The following PHLDB2 variants were observed in gnomAD, a reference collection of about 807,000 sequenced individuals.
The protein encoded by PHLDB2 is pleckstrin homology like domain family B member 2, also known as pleckstrin homology-like domain family B member 2.
PHLDB2 carries 71 observed loss-of-function variants against 123.6 expected under a neutral mutation model. The observed-to-expected ratio is 0.57, with a 90% CI of 0.47 to 0.70. PHLDB2 has a LOEUF of 0.70. Ranked by LOEUF, PHLDB2 falls within the 30% of genes least tolerant of loss-of-function variation. The pLI is 0.00. For synonymous variants in PHLDB2, 547 were observed against 541.6 expected (o/e 1.01, Z -0.14); for missense variants, 1,446 against 1,519.5 (o/e 0.95, Z 0.80).
intron 1 of PHLDB2, chr3:111,778,582 C>T (rs971838356): frequency 6.6e-6 from 1 of 152,024 alleles, no homozygotes; most frequent in East Asian, 1.9e-4. Flanking sequence ...CCCTCAGAGC[C>T]GTAACTGCCC....
rs576936867 is a variant in PHLDB2 at position 111,931,583 on chromosome 3, C to T, written c.2002-686C>T. Among the ~76,000 whole-genome samples, 141 of 152,226 alleles carry T rather than the reference C, an allele frequency of 9.3e-4. 1 individual carries two copies. The highest frequency in any genetic ancestry group is 1.7e-3 in the Non-Finnish European group (113 of 68,008). On this transcript the variant is annotated intron_variant, in intron 5 of 17. Transcript: ENST00000431670. ...GGAAAGTCTGTATTTCCGCAGTCCC[C>T]GTCACATTTTTGGTGTGTCTGAGCT...
chr3:111,885,619 G>A (rs889165572), intron 2 of PHLDB2: 1 of 736,234 alleles, frequency 1.4e-6, no homozygotes, highest in Non-Finnish European at 2.4e-6. Context: ...AAGGCCTCCA[G>A]GAATTAATGT....
chr3:111,792,004 T>C (rs756965457), intron 1 of PHLDB2, among the ~76,000 whole-genome samples: 11 of 152,228 alleles, frequency 7.2e-5, no homozygotes, highest in Non-Finnish European at 1.0e-4. Context: ...CAGCCTCTGG[T>C]AACCATCATT....
chr3:111,827,446 T>C (rs1041784551), intron 1 of PHLDB2, among the ~76,000 whole-genome samples: 2 of 152,064 alleles, frequency 1.3e-5, no homozygotes, highest in Non-Finnish European at 2.9e-5. Flanking sequence ...GAGGCCCAGG[T>C]GGGCGGATCA....
At chr3:111,751,165 TGG>T (rs925332404) in intron 1 of PHLDB2, among the ~76,000 whole-genome samples, 3 of 120,936 alleles carry the variant, frequency 2.5e-5, no homozygotes, top group African/African-American at 6.1e-5. Context: ...AAGGAGACAA[TGG>T]GGTGTGTGTG....
rs34081887 is a variant in PHLDB2, at chr3:111,954,014, C to T, written c.2857C>T (p.Arg953Trp). ...AGCCATGGCCAAAGACTCAGAATCTCGGAGGATGCTCAGAGGTACGTACCT... is the reference window on the plus strand; with the variant it reads ...AGCCATGGCCAAAGACTCAGAATCTTGGAGGATGCTCAGAGGTACGTACCT... ...LAAMAKDSES[R>W]RMLRGYNHQQ... The change falls in exon 12 of 18, where the codon CGG becomes TGG. Residue 953 changes from arginine (R) to tryptophan (W), a missense_variant. Coordinates refer to ENST00000431670, the MANE Select transcript of PHLDB2 (RefSeq NM_001134438.2). 6,146 of 1,613,324 alleles carry T rather than the reference C, an allele frequency of 3.8e-3. 215 individuals carry two copies. The African/African-American group carries it at 0.071, about 19-fold the overall frequency.
intron 1 of PHLDB2, among the ~76,000 whole-genome samples, chr3:111,819,975 GC>G (rs2062291682): frequency 6.6e-6 from 1 of 152,214 alleles, no homozygotes; most frequent in Admixed American, 6.5e-5. Flanking sequence ...TGGTAATGAA[GC>G]TTTGAAGAAA....
intron 2 of PHLDB2, chr3:111,845,992 A>G (rs937557): frequency 0.13 from 205,140 of 1,538,656 alleles, 14,906 homozygotes; most frequent in South Asian, 0.17. Flanking sequence ...TTACTCCATC[A>G]TACATATTGG....
intron 1 of PHLDB2, among the ~76,000 whole-genome samples, chr3:111,763,193 T>G (rs2060023513): frequency 6.6e-6 from 1 of 152,248 alleles, no homozygotes; most frequent in Non-Finnish European, 1.5e-5. Flanking sequence ...CTCCCTAGCA[T>G]TCTTCTCCCC....
At chr3:111,756,516 T>C (rs13071496) in intron 1 of PHLDB2, among the ~76,000 whole-genome samples, 75,919 of 151,948 alleles carry the variant, frequency 0.5, 19,565 homozygotes, top group African/African-American at 0.62. Flanking sequence ...TCTTCCTCCA[T>C]CCTTTTATTT....
At chr3:111,904,337 T>C (rs1007418024) in intron 2 of PHLDB2, among the ~76,000 whole-genome samples, 1 of 151,762 alleles carries the variant, frequency 6.6e-6, no homozygotes, top group African/African-American at 2.4e-5. Context: ...CCACAAATCA[T>C]TAAAATATAA....
chr3:111,829,047 AT>A (rs1363563702), intron 1 of PHLDB2, among the ~76,000 whole-genome samples: 5 of 152,170 alleles, frequency 3.3e-5, no homozygotes, highest in Admixed American at 6.5e-5. Flanking sequence ...GTTTTTTCTA[AT>A]TTCCAAATGT....
chr3:111,963,014 C>G (rs1051628502), intron 13 of PHLDB2, among the ~76,000 whole-genome samples: 1 of 151,866 alleles, frequency 6.6e-6, no homozygotes, highest in Admixed American at 6.6e-5. Context: ...ATTTCTTACC[C>G]TTGTATTTGT....
Position 111,969,905 on chromosome 3 carries a change from T to A in PHLDB2, c.3531T>A (p.Tyr1177Ter), listed in dbSNP as rs748090166. Residue 1177 changes from tyrosine to a stop codon, truncating the protein, a stop_gained, in exon 16 of 18, where the codon TAT becomes TAA. Transcript: ENST00000431670. LOFTEE classifies it high-confidence loss of function. ...FDRNKRTFSY[Y>*]ADKHETKLKG... ...GGAACAAGCGAACATTCTCTTATTA[T>A]GCAGGTGGGTGATAAAAACAATTTA... 1 of 1,613,532 alleles carries A rather than the reference T, an allele frequency of 6.2e-7. No individual in the cohort carries two copies. Among genetic ancestry groups the A allele is most frequent in the Non-Finnish European group, 8.5e-7 (1 of 1,179,634 alleles).
At chr3:111,933,271 CAATTTATGA>C (rs1298238293) in intron 6 of PHLDB2, among the ~76,000 whole-genome samples, 4 of 152,138 alleles carry the variant, frequency 2.6e-5, no homozygotes, top group African/African-American at 9.7e-5. Context: ...GAGTGATTAA[CAATTTATGA>C]TTCTACCTGA....
At chr3:111,876,044 T>A (rs2065598253) in intron 1 of PHLDB2, among the ~76,000 whole-genome samples, 1 of 152,164 alleles carries the variant, frequency 6.6e-6, no homozygotes, top group Non-Finnish European at 1.5e-5. Flanking sequence ...TTTGGTGTGA[T>A]TTCTTCCAGT....
rs566648973 is a variant in PHLDB2 at position 111,747,962 on chromosome 3, C to T, written c.-49+15259C>T. ...CTGTGGGCAACTGGATGCGCTGGAG[C>T]TTCTGGTCCTACAGAGCTGGGATTA... On this transcript the variant is annotated intron_variant, in intron 1 of 17. Transcript: ENST00000393923. Among the ~76,000 whole-genome samples the T allele has an allele frequency of 9.2e-5, 14 of 152,312 alleles. No homozygotes were observed. In the South Asian group the frequency reaches 2.9e-3, roughly 32 times the overall value.
chr3:111,887,470 A>G (rs1186810136), intron 2 of PHLDB2, among the ~76,000 whole-genome samples: 6 of 152,220 alleles, frequency 3.9e-5, no homozygotes, highest in African/African-American at 1.4e-4. Flanking sequence ...GCCATTAAAA[A>G]GTAAAGTGAC....
chr3:111,769,222 C>A (rs1305974481), intron 1 of PHLDB2, among the ~76,000 whole-genome samples: 1 of 152,100 alleles, frequency 6.6e-6, no homozygotes, highest in Non-Finnish European at 1.5e-5. Flanking sequence ...GAGGATTGGC[C>A]TATGAAAGAA....
Sources: gnomAD v4.1 joint callset for allele counts (sites outside exome capture counted in the v4.1 genomes callset) on GRCh38, gnomAD v4.1.1 for gene constraint, MANE v1.5 for transcripts, NCBI Gene and HGNC (gene_info 2026-07-23, HGNC 2026-07-21) for gene names.